GRK3: variants seen among roughly 807,000 people sequenced by gnomAD.
The protein encoded by GRK3 is G protein-coupled receptor kinase 3, also known as adrenergic, beta, receptor kinase 2.
GRK3 carries 54 observed loss-of-function variants against 95.7 expected under a neutral mutation model. The ratio of observed to expected loss-of-function variants is 0.56; its 90% CI spans 0.45 to 0.71. The LOEUF is 0.71. Among genes scored for constraint, GRK3 ranks in the 30% least tolerant of loss-of-function variants. The pLI is 0.00. For missense variants in GRK3, 649 were observed against 851.2 expected (o/e 0.76, Z 2.96); for synonymous variants, 281 against 290.8 (o/e 0.97, Z 0.34).
intron 8 of GRK3, among the ~76,000 whole-genome samples, chr22:25,677,271 G>A (rs887901055): frequency 6.6e-6 from 1 of 151,476 alleles, no homozygotes; most frequent in African/African-American, 2.4e-5. Context: ...AGCTACTCTG[G>A]AGGCTGAGGT....
intron 5 of GRK3, among the ~76,000 whole-genome samples, chr22:25,666,453 G>A (rs2084942166): frequency 6.6e-6 from 1 of 152,214 alleles, no homozygotes; most frequent in Non-Finnish European, 1.5e-5. Context: ...ACTTCAGAGA[G>A]AGATAATTTA....
chr22:25,585,785 TC>T (rs1409212000), intron 1 of GRK3, among the ~76,000 whole-genome samples: 8 of 152,238 alleles, frequency 5.3e-5, no homozygotes, highest in African/African-American at 1.9e-4. Flanking sequence ...TCAGTTGCAA[TC>T]CTGGGTCATC....
intron 2 of GRK3, among the ~76,000 whole-genome samples, chr22:25,620,006 T>TG (rs1555918885): frequency 0.01 from 928 of 90,290 alleles, 4 homozygotes; most frequent in Middle Eastern, 0.011. Context: ...TTTGTCTTTT[T>TG]TGTGTGTGTG....
intron 2 of GRK3, among the ~76,000 whole-genome samples, chr22:25,623,802 C>T (rs1208620359): frequency 6.6e-6 from 1 of 152,198 alleles, no homozygotes; most frequent in African/African-American, 2.4e-5. Context: ...CCTCCATTTC[C>T]ACCACAGCCA....
At chr22:25,661,253 TTGGCAAGGATGCATGGTCTA>T (rs2084907454) in intron 3 of GRK3, among the ~76,000 whole-genome samples, 3 of 152,208 alleles carry the variant, frequency 2.0e-5, no homozygotes. Flanking sequence ...AAGAGGAGAA[TTGGCAAGGATGCATGGTCTA>T]TGGCTCGTGT....
At chr22:25,641,412 G>C (rs114343521) in intron 2 of GRK3, among the ~76,000 whole-genome samples, 486 of 151,876 alleles carry the variant, frequency 3.2e-3, no homozygotes, top group African/African-American at 0.011. Context: ...CCTGAGCTCT[G>C]TCTTTGTTAC....
intron 1 of GRK3, among the ~76,000 whole-genome samples, chr22:25,566,918 A>G (rs966895118): frequency 2.7e-5 from 4 of 149,454 alleles, no homozygotes; most frequent in Non-Finnish European, 4.4e-5. Flanking sequence ...GGGGGGGGCT[A>G]GTATATAATA....
intron 2 of GRK3, among the ~76,000 whole-genome samples, chr22:25,633,989 A>C (rs1481966624): frequency 2.0e-5 from 3 of 152,144 alleles, no homozygotes; most frequent in African/African-American, 7.2e-5. Context: ...CTAGCTTTTA[A>C]GGTCTTTCAA....
intron 3 of GRK3, among the ~76,000 whole-genome samples, chr22:25,655,840 G>A (rs954977412): frequency 2.6e-5 from 4 of 152,160 alleles, no homozygotes; most frequent in East Asian, 1.9e-4. Context: ...GCTAGTGATC[G>A]TCTTCTGCTT....
At position 25,726,953 on chromosome 22, in the gene GRK3, G is replaced by GTC. The variant is rs2085479475; in HGVS notation, c.*4504_*4505insCT. The GTC allele has an allele frequency of 6.6e-6, 1 of 152,584 alleles. No homozygotes were observed. Among genetic ancestry groups the GTC allele is most frequent in the Admixed American group, 6.7e-5 (1 of 15,018 alleles). 9.5% of individuals were successfully genotyped at this position (152,584 alleles called of 1,614,324 possible). Reference sequence around the variant, plus strand: ...TGTGTGTGTGTGTGTGTGTGTGTGTGTGTGCACTTTGCAGCCCCCGAGGTG... The same window carrying GTC: ...TGTGTGTGTGTGTGTGTGTGTGTGTGTCTGTGCACTTTGCAGCCCCCGAGGTG... On this transcript the variant is annotated 3_prime_UTR_variant, in exon 21 of 21. Transcript: ENST00000324198.
chr22:25,652,631 G>A (rs1282252099), intron 3 of GRK3, among the ~76,000 whole-genome samples: 4 of 152,132 alleles, frequency 2.6e-5, no homozygotes, highest in Non-Finnish European at 5.9e-5. Flanking sequence ...CCATTGGATT[G>A]TAATCAGTCA....
chr22:25,650,027 T>C (rs973674298), intron 3 of GRK3, among the ~76,000 whole-genome samples: 1 of 151,616 alleles, frequency 6.6e-6, no homozygotes, highest in Non-Finnish European at 1.5e-5. Flanking sequence ...AGTCTTACCC[T>C]GTTGCCCAGG....
intron 9 of GRK3, among the ~76,000 whole-genome samples, chr22:25,684,084 G>A (rs1262937162): frequency 6.6e-6 from 1 of 152,200 alleles, no homozygotes; most frequent in South Asian, 2.1e-4. Flanking sequence ...CAGATATTCA[G>A]TTGCTCCAGC....
At chr22:25,675,669 G>T (rs2085022720) in intron 8 of GRK3, among the ~76,000 whole-genome samples, 1 of 152,200 alleles carries the variant, frequency 6.6e-6, no homozygotes. Context: ...CTAATTCAGT[G>T]CCTGCCTCCG....
intron 3 of GRK3, chr22:25,648,085 C>A (rs2084799581): frequency 1.8e-6 from 1 of 554,406 alleles, no homozygotes; most frequent in South Asian, 2.0e-5. Context: ...CACTGCACTC[C>A]AGCCTCGGCG....
At position 25,704,178 on chromosome 22, in the gene GRK3, G is replaced by A. The variant is rs767670960; in HGVS notation, c.1297G>A (p.Val433Ile). 15 of 1,613,446 alleles carry A rather than the reference G, an allele frequency of 9.3e-6. No homozygotes were observed. The South Asian group carries it at 9.9e-5, about 11-fold the overall frequency. Residue 433 changes from valine to isoleucine, a missense_variant, in exon 15 of 21, where the codon GTT (valine) becomes ATT (isoleucine). Val to Ile is a conservative substitution (Grantham distance 29). This residue lies in a region of GRK3 where 382 missense variants were observed against 493.8 expected (regional missense o/e 0.77). Coordinates refer to ENST00000324198, the MANE Select transcript of GRK3 (RefSeq NM_005160.4). Reference protein sequence around the residue: ...SLLEGLLQRDVSKRLGCHGGG... With the variant: ...SLLEGLLQRDISKRLGCHGGG... ...TTTGGAGGGCTTGCTTCAGCGAGAC[G>A]TTAGCAAGCGGCTGGGCTGTCACGG...
intron 5 of GRK3, among the ~76,000 whole-genome samples, chr22:25,666,533 G>C (rs1163665076): frequency 6.6e-6 from 1 of 152,154 alleles, no homozygotes; most frequent in Admixed American, 6.5e-5. Context: ...GCCTTCCCCA[G>C]GACAGGGATA....
chr22:25,711,237 G>A (rs771718924), intron 17 of GRK3, 74 bp downstream of exon 17: 8 of 1,029,346 alleles, frequency 7.8e-6, no homozygotes, highest in Non-Finnish European at 1.1e-5. Flanking sequence ...CAAACTTAGT[G>A]GTTGTTTTAA....
intron 1 of GRK3, among the ~76,000 whole-genome samples, chr22:25,571,553 A>G (rs1200010255): frequency 6.6e-6 from 1 of 152,234 alleles, no homozygotes; most frequent in Non-Finnish European, 1.5e-5. Context: ...CTATAGGGTT[A>G]TTGTTGTTGA....
Sources: gnomAD v4.1 joint callset for allele counts (sites outside exome capture counted in the v4.1 genomes callset) on GRCh38, gnomAD v4.1.1 for gene constraint, gnomAD v4.1.1 regional missense constraint, MANE v1.5 for transcripts, NCBI Gene and HGNC (gene_info 2026-07-23, HGNC 2026-07-21) for gene names.